Variants in ARHGAP42 observed in about 807,000 individuals in gnomAD.
The protein encoded by ARHGAP42 is rho GTPase-activating protein 42.
In ARHGAP42, 63 loss-of-function variants were observed where a neutral mutation model predicts 125.0. The observed-to-expected ratio is 0.50, with a 90% CI of 0.41 to 0.62. The LOEUF (loss-of-function observed/expected upper bound fraction) is 0.62, where lower values mean the gene tolerates loss of function less well. Among genes scored for constraint, ARHGAP42 ranks in the 20% least tolerant of loss-of-function variants. The probability of loss-of-function intolerance (pLI) is 0.00; values close to 1 mark genes in which losing one functional copy is unlikely to be tolerated. For missense variants in ARHGAP42, 766 were observed against 1,024.2 expected (o/e 0.75, Z 3.44); for synonymous variants, 339 against 351.0 (o/e 0.97, Z 0.38).
chr11:100,969,150 CT>C (rs924337549), intron 17 of ARHGAP42, among the ~76,000 whole-genome samples: 4 of 151,490 alleles, frequency 2.6e-5, no homozygotes, highest in South Asian at 2.1e-4. Context: ...AGTTGGCAGA[CT>C]TTTTTTTTCT....
chr11:100,838,381 T>A (rs1444957878), intron 3 of ARHGAP42, among the ~76,000 whole-genome samples: 1 of 152,126 alleles, frequency 6.6e-6, no homozygotes, highest in Non-Finnish European at 1.5e-5. Context: ...TTCAAACTTA[T>A]GCTCATCAAG....
At chr11:100,870,236 A>G (rs1865666183) in intron 4 of ARHGAP42, among the ~76,000 whole-genome samples, 2 of 152,214 alleles carry the variant, frequency 1.3e-5, no homozygotes, top group African/African-American at 4.8e-5. Context: ...TTGACTGAAG[A>G]AAGTTTTCTA....
At chr11:100,735,467 A>G (rs1214578821) in intron 1 of ARHGAP42, among the ~76,000 whole-genome samples, 1 of 152,134 alleles carries the variant, frequency 6.6e-6, no homozygotes, top group Non-Finnish European at 1.5e-5. Flanking sequence ...AAAGAATAGG[A>G]AATAGGAATA....
Position 100,989,643 on chromosome 11 carries a change from C to G in ARHGAP42, c.*842C>G, listed in dbSNP as rs1218598472. On this transcript the variant is annotated 3_prime_UTR_variant, in exon 24 of 24. Coordinates refer to ENST00000298815, the MANE Select transcript of ARHGAP42 (RefSeq NM_152432.4). ...ATAAATTATATGCACATATTTTCTA[C>G]CAGTAGCATTATAGTGGCATCATAG... 6.6e-6 allele frequency: 1 copy of G among 152,050 alleles called. No homozygotes were observed. Among genetic ancestry groups the G allele is most frequent in the Non-Finnish European group, 1.5e-5 (1 of 68,050 alleles). 9.4% of individuals were successfully genotyped at this position (152,050 alleles called of 1,614,324 possible). A position where few individuals can be genotyped will look rare whatever the true frequency, so the allele number is the denominator to read the frequency against.
intron 21 of ARHGAP42, 59 bp downstream of exon 21, chr11:100,977,030 T>G: frequency 6.5e-7 from 1 of 1,534,700 alleles, no homozygotes; most frequent in Non-Finnish European, 8.8e-7. Flanking sequence ...GAGTTGAGTG[T>G]TTCAGAAGAA....
chr11:100,958,203 G>A (rs1398619313), intron 12 of ARHGAP42, among the ~76,000 whole-genome samples: 1 of 151,904 alleles, frequency 6.6e-6, no homozygotes, highest in African/African-American at 2.4e-5. Flanking sequence ...TATTCAAAAA[G>A]TATTTTAAAA....
intron 1 of ARHGAP42, among the ~76,000 whole-genome samples, chr11:100,730,265 A>G (rs1346296478): frequency 3.3e-5 from 5 of 152,248 alleles, no homozygotes; most frequent in Admixed American, 6.5e-5. Context: ...GAAAAGTTCA[A>G]ACTGCATCAT....
At chr11:100,874,177 G>A (rs576887092) in intron 4 of ARHGAP42, among the ~76,000 whole-genome samples, 55 of 152,190 alleles carry the variant, frequency 3.6e-4, no homozygotes, top group African/African-American at 1.3e-3. Flanking sequence ...GTGCAAAAAA[G>A]GGACCAAACA....
chr11:100,863,264 A>T (rs1217578459), intron 4 of ARHGAP42, among the ~76,000 whole-genome samples: 1 of 152,108 alleles, frequency 6.6e-6, no homozygotes, highest in African/African-American at 2.4e-5. Context: ...GCTGCTTTTC[A>T]GCCTTTGCCT....
At chr11:100,847,400 G>A (rs950733975) in intron 3 of ARHGAP42, among the ~76,000 whole-genome samples, 3 of 152,226 alleles carry the variant, frequency 2.0e-5, no homozygotes, top group East Asian at 1.9e-4. Context: ...GCTTTCTCAC[G>A]TGGGAATGGC....
intron 4 of ARHGAP42, among the ~76,000 whole-genome samples, chr11:100,900,147 C>A (rs1866501964): frequency 1.3e-5 from 2 of 151,782 alleles, no homozygotes; most frequent in South Asian, 2.1e-4. Context: ...AAAGGATTTT[C>A]TTTCTCCTTC....
At chr11:100,893,654 C>T (rs1354480602) in intron 4 of ARHGAP42, among the ~76,000 whole-genome samples, 1 of 151,938 alleles carries the variant, frequency 6.6e-6, no homozygotes, top group Non-Finnish European at 1.5e-5. Context: ...ATACCTAAAA[C>T]TTAATATGTA....
chr11:100,687,785 T>G lies in ARHGAP42; in HGVS notation c.107T>G (p.Ile36Ser). Residue 36 changes from isoleucine (I) to serine (S), a missense_variant, in exon 1 of 24, where the codon ATC (isoleucine) becomes AGC (serine). Physicochemically the swap from Ile to Ser is moderately radical, Grantham distance 142 (BLOSUM62 -2). Around this residue, in one of 3 missense-constraint regions of ARHGAP42, gnomAD observed 455 missense variants for 636.5 expected, o/e 0.71. Coordinates refer to ENST00000298815, the MANE Select transcript of ARHGAP42 (RefSeq NM_152432.4). ...EIELERTNKF[I>S]KELIKDGSLL... ...GAGCTGGAGCGAACCAACAAGTTCATCAAGGAGCTCATTAAGGACGGCTCT... is the reference window on the plus strand; with the variant it reads ...GAGCTGGAGCGAACCAACAAGTTCAGCAAGGAGCTCATTAAGGACGGCTCT... The G allele has an allele frequency of 6.4e-7, 1 of 1,550,916 alleles. No homozygotes were observed. Among genetic ancestry groups the G allele is most frequent in the Non-Finnish European group, 8.7e-7 (1 of 1,146,544 alleles).
chr11:100,983,278 A>G (rs1000357993), intron 22 of ARHGAP42, among the ~76,000 whole-genome samples: 4 of 152,266 alleles, frequency 2.6e-5, no homozygotes, highest in African/African-American at 9.6e-5. Context: ...ACATATTAGC[A>G]CAAATAACAT....
At chr11:100,973,407 G>C (rs1858305999) in intron 18 of ARHGAP42, 73 bp downstream of exon 18, 11 of 1,441,578 alleles carry the variant, frequency 7.6e-6, no homozygotes, top group Non-Finnish European at 1.0e-5. Context: ...CATTTGATCT[G>C]TGAGCTCATG....
chr11:100,748,622 G>T (rs572157909), intron 1 of ARHGAP42, among the ~76,000 whole-genome samples: 111 of 143,434 alleles, frequency 7.7e-4, no homozygotes, highest in African/African-American at 2.6e-3. Flanking sequence ...TGCTCACAAT[G>T]AGGTTTCCTC....
At position 100,954,561 on chromosome 11, in the gene ARHGAP42, A is replaced by G. The variant is rs185766984; in HGVS notation, c.1162+4605A>G. ...CTTCTTCTCATTCTATGCAGTTACC[A>G]TCTGTTATGAGTGTTCTTGAGCTTC... On this transcript the variant is annotated intron_variant, in intron 12 of 23. Coordinates refer to ENST00000298815, the MANE Select transcript of ARHGAP42 (RefSeq NM_152432.4). 8.4e-4 allele frequency among the ~76,000 whole-genome samples: 128 copies of G among 152,266 alleles called. 2 individuals are homozygous for G. Among genetic ancestry groups the G allele is most frequent in the East Asian group, 1.5e-3 (8 of 5,178 alleles).
At chr11:100,905,129 C>G (rs1002438483) in intron 4 of ARHGAP42, among the ~76,000 whole-genome samples, 1 of 152,198 alleles carries the variant, frequency 6.6e-6, no homozygotes, top group Non-Finnish European at 1.5e-5. Context: ...TCCTCTCTTG[C>G]TATCCCATCT....
chr11:100,758,146 C>T (rs2120354292), intron 1 of ARHGAP42, among the ~76,000 whole-genome samples: 1 of 152,186 alleles, frequency 6.6e-6, no homozygotes, highest in East Asian at 1.9e-4. Context: ...TAAACATAGC[C>T]ACTTAAGCTA....
Sources: gnomAD v4.1 joint callset for allele counts (sites outside exome capture counted in the v4.1 genomes callset) on GRCh38, gnomAD v4.1.1 for gene constraint, gnomAD v4.1.1 regional missense constraint, MANE v1.5 for transcripts, NCBI Gene and HGNC (gene_info 2026-07-23, HGNC 2026-07-21) for gene names.